Variants in GRM8 observed in about 807,000 individuals in gnomAD.
GRM8 encodes the protein metabotropic glutamate receptor 8.
GRM8 carries 47 observed loss-of-function variants against 87.2 expected under a neutral mutation model. The observed-to-expected ratio is 0.54, with a 90% CI of 0.43 to 0.69. The LOEUF (loss-of-function observed/expected upper bound fraction) is 0.69, where lower values mean the gene tolerates loss of function less well. Among genes scored for constraint, GRM8 ranks in the 30% least tolerant of loss-of-function variants. GRM8 has a pLI of 0.00. For synonymous variants in GRM8, 396 were observed against 404.5 expected, an observed-to-expected ratio of 0.98 and a Z score of 0.25; for missense variants, 1,019 against 1,139.2, an observed-to-expected ratio of 0.89 and a Z score of 1.52.
intron 3 of GRM8, among the ~76,000 whole-genome samples, chr7:126,943,126 C>A (rs942034287): frequency 6.6e-6 from 1 of 152,170 alleles, no homozygotes; most frequent in African/African-American, 2.4e-5. Flanking sequence ...ATCAGATCGG[C>A]AGGTGTAAGG....
chr7:127,163,639 T>C (rs1157549644), intron 2 of GRM8, among the ~76,000 whole-genome samples: 6 of 152,150 alleles, frequency 3.9e-5, no homozygotes, highest in Admixed American at 3.9e-4. Context: ...CTTTACCTTT[T>C]AGAGATACAT....
intron 3 of GRM8, among the ~76,000 whole-genome samples, chr7:127,080,269 C>A (rs1357575509): frequency 6.6e-6 from 1 of 152,180 alleles, no homozygotes; most frequent in Non-Finnish European, 1.5e-5. Flanking sequence ...CTGGCAGCTT[C>A]TGGAAGCTGG....
At chr7:126,918,813 G>A (rs1281368174) in intron 3 of GRM8, among the ~76,000 whole-genome samples, 2 of 152,042 alleles carry the variant, frequency 1.3e-5, no homozygotes, top group Non-Finnish European at 2.9e-5. Flanking sequence ...TGCATTAAAT[G>A]GTATTGTTTA....
At chr7:126,839,268 A>G in intron 6 of GRM8, among the ~76,000 whole-genome samples, 1 of 152,234 alleles carries the variant, frequency 6.6e-6, no homozygotes, top group East Asian at 1.9e-4. Context: ...TCCATGGAAT[A>G]GCAGCTACAA....
intron 6 of GRM8, among the ~76,000 whole-genome samples, chr7:126,841,550 G>C (rs1796269273): frequency 6.6e-6 from 1 of 152,084 alleles, no homozygotes. Flanking sequence ...TCCCAAGACA[G>C]AAAATGAACA....
rs17866394 is a variant in GRM8, at chr7:127,185,242, T to A, written c.510+57453A>T. ...GCACAATAATCAAGGCAATGTCGTATTAGCAAAAGAATAGACATATATTAC... is the reference window on the plus strand; with the variant it reads ...GCACAATAATCAAGGCAATGTCGTAATAGCAAAAGAATAGACATATATTAC... On this transcript the variant is annotated intron_variant, in intron 2 of 10. Transcript: ENST00000339582. 6.4e-4 allele frequency among the ~76,000 whole-genome samples: 98 copies of A among 152,186 alleles called. 1 individual carries two copies. Among genetic ancestry groups the A allele is most frequent in the African/African-American group, 2.3e-3 (96 of 41,566 alleles).
chr7:126,730,757 T>C (rs940118533), intron 7 of GRM8, among the ~76,000 whole-genome samples: 1 of 152,102 alleles, frequency 6.6e-6, no homozygotes, highest in Non-Finnish European at 1.5e-5. Context: ...AGTTACTACT[T>C]TGATATATCA....
At chr7:126,563,676 T>C (rs893724872) in intron 8 of GRM8, among the ~76,000 whole-genome samples, 1 of 152,196 alleles carries the variant, frequency 6.6e-6, no homozygotes, top group Non-Finnish European at 1.5e-5. Context: ...GCTTTGGCTC[T>C]TTCCCTCAAA....
intron 3 of GRM8, among the ~76,000 whole-genome samples, chr7:127,033,816 T>C (rs964367193): frequency 4.6e-5 from 7 of 152,198 alleles, no homozygotes; most frequent in African/African-American, 1.7e-4. Flanking sequence ...ATAAAAAGAA[T>C]AGACTCCATT....
intron 9 of GRM8, among the ~76,000 whole-genome samples, chr7:126,481,977 A>G (rs1806738169): frequency 6.6e-6 from 1 of 152,088 alleles, no homozygotes; most frequent in Non-Finnish European, 1.5e-5. Flanking sequence ...TCAAACAACT[A>G]TATTAAGAAA....
At chr7:126,652,820 C>T (rs1804062843) in intron 7 of GRM8, among the ~76,000 whole-genome samples, 1 of 152,102 alleles carries the variant, frequency 6.6e-6, no homozygotes, top group Admixed American at 6.5e-5. Flanking sequence ...TTACATCACT[C>T]TAAAGAACCC....
At chr7:126,783,218 C>G (rs914518286) in intron 6 of GRM8, among the ~76,000 whole-genome samples, 1 of 152,102 alleles carries the variant, frequency 6.6e-6, no homozygotes, top group African/African-American at 2.4e-5. Context: ...AGACTGGGGC[C>G]GGATCTAACT....
intron 8 of GRM8, among the ~76,000 whole-genome samples, chr7:126,565,409 A>C (rs928393978): frequency 6.6e-6 from 1 of 152,178 alleles, no homozygotes; most frequent in Non-Finnish European, 1.5e-5. Flanking sequence ...TATTAATGAC[A>C]AACTATCTGA....
intron 6 of GRM8, among the ~76,000 whole-genome samples, chr7:126,853,378 A>G (rs1273030410): frequency 1.3e-5 from 2 of 151,894 alleles, no homozygotes; most frequent in Non-Finnish European, 2.9e-5. Context: ...TAAATTTTGC[A>G]CTTACTTTAA....
intron 8 of GRM8, among the ~76,000 whole-genome samples, chr7:126,539,716 C>A (rs58938189): frequency 9.0e-4 from 134 of 149,140 alleles, no homozygotes; most frequent in African/African-American, 3.1e-3. Flanking sequence ...TTTTTTTTTT[C>A]AAAAAATGAT....
intron 8 of GRM8, among the ~76,000 whole-genome samples, chr7:126,538,787 T>C (rs1816171091): frequency 6.6e-6 from 1 of 152,110 alleles, no homozygotes; most frequent in Admixed American, 6.5e-5. Flanking sequence ...TATAAATGCA[T>C]ACAATCTGCA....
chr7:126,965,417 C>T (rs1269747621), intron 3 of GRM8, among the ~76,000 whole-genome samples: 2 of 152,000 alleles, frequency 1.3e-5, no homozygotes, highest in Admixed American at 6.6e-5. Flanking sequence ...AACACTGTCC[C>T]CTCCATTAAA....
chr7:127,052,055 G>A (rs759839972), intron 3 of GRM8, among the ~76,000 whole-genome samples: 1 of 152,090 alleles, frequency 6.6e-6, no homozygotes, highest in Non-Finnish European at 1.5e-5. Flanking sequence ...TATATGACTT[G>A]ATGTATTTTT....
intron 6 of GRM8, among the ~76,000 whole-genome samples, chr7:126,894,668 G>A (rs1425878531): frequency 1.3e-5 from 2 of 152,004 alleles, no homozygotes; most frequent in East Asian, 1.9e-4. Context: ...ACCTTAGGTG[G>A]CCAAGAAAAA....
Sources: allele counts gnomAD v4.1 joint callset (sites outside exome capture counted in the v4.1 genomes callset), GRCh38; gene constraint gnomAD v4.1.1; transcripts MANE v1.5; gene names NCBI Gene and HGNC (gene_info 2026-07-23, HGNC 2026-07-21).